Variants in POLE2 observed in about 807,000 individuals in gnomAD.
POLE2 encodes the protein DNA polymerase epsilon subunit 2.
A neutral mutation model predicts 79.4 loss-of-function variants in POLE2; 56 were observed. That is an observed-to-expected ratio of 0.71 (90% CI 0.57 to 0.88). POLE2 has a LOEUF of 0.88. POLE2 is among the 40% of genes least tolerant of loss of function. The pLI is 0.00. For missense variants in POLE2, 598 were observed against 638.9 expected (o/e 0.94, Z 0.69); for synonymous variants, 212 against 214.0 (o/e 0.99, Z 0.08).
intron 18 of POLE2, among the ~76,000 whole-genome samples, chr14:49,644,396 G>A (rs950809706): frequency 4.0e-5 from 6 of 151,182 alleles, no homozygotes; most frequent in Non-Finnish European, 8.8e-5. Flanking sequence ...TGTAATCCCA[G>A]CTACTCGGGA....
intron 1 of POLE2, among the ~76,000 whole-genome samples, chr14:49,687,300 C>CCACACACACACA (rs60811856): frequency 8.6e-4 from 120 of 139,830 alleles, no homozygotes; most frequent in Middle Eastern, 3.6e-3. Flanking sequence ...TACACACACA[C>CCACACACACACA]CACACACACA....
chr14:49,649,284 C>G (rs1208965324), intron 17 of POLE2, among the ~76,000 whole-genome samples: 1 of 144,782 alleles, frequency 6.9e-6, no homozygotes. Flanking sequence ...GTAGCTGGGA[C>G]TAGAGGCGCC....
intron 1 of POLE2, among the ~76,000 whole-genome samples, 179 bp from the exon 2 acceptor site, chr14:49,683,872 T>A (rs192441977): frequency 6.6e-6 from 1 of 152,342 alleles, no homozygotes; most frequent in East Asian, 1.9e-4. Flanking sequence ...TCCTATGCCT[T>A]GCTAACATAA....
At chr14:49,680,052 TATAAGAAC>T (rs1242015213) in intron 2 of POLE2, among the ~76,000 whole-genome samples, 1 of 152,228 alleles carries the variant, frequency 6.6e-6, no homozygotes, top group Admixed American at 6.5e-5. Context: ...CCTGTTTAGT[TATAAGAAC>T]ATTTCTGAGC....
chr14:49,688,045 G>A (rs1231632862), intron 1 of POLE2, 91 bp downstream of exon 1: 4 of 1,090,956 alleles, frequency 3.7e-6, no homozygotes, highest in Non-Finnish European at 5.4e-6. Context: ...CTCGGCGCGC[G>A]GGGAGCCGCC....
chr14:49,687,709 G>T (rs1594631004), intron 1 of POLE2, among the ~76,000 whole-genome samples: 1 of 151,920 alleles, frequency 6.6e-6, no homozygotes, highest in African/African-American at 2.4e-5. Context: ...TCGCTTCTTA[G>T]AACTTTTTTT....
chr14:49,650,702 T>C (rs963938829), intron 16 of POLE2, among the ~76,000 whole-genome samples: 1 of 152,194 alleles, frequency 6.6e-6, no homozygotes, highest in Non-Finnish European at 1.5e-5. Context: ...CTCAAACTCC[T>C]GGCCTCAAGC....
At chr14:49,678,163 C>G (rs1281339614) in intron 3 of POLE2, among the ~76,000 whole-genome samples, 1 of 151,926 alleles carries the variant, frequency 6.6e-6, no homozygotes, top group Non-Finnish European at 1.5e-5. Flanking sequence ...CCATGCCCAG[C>G]TAATTTTTGT....
chr14:49,656,288 G>A lies in POLE2; in HGVS notation c.756-445C>T, dbSNP rs187578093. Among the ~76,000 whole-genome samples, 63 of 151,756 alleles carry A rather than the reference G, an allele frequency of 4.2e-4. 1 individual carries two copies. Among genetic ancestry groups the A allele is most frequent in the Middle Eastern group, 3.4e-3 (1 of 294 alleles). The stretch of plus-strand genomic sequence containing the variant: ...GAGAATGGCGTGAACCCCGGGGGGC[G>A]GAGCCTGCAGTGAGCCGAGATTGCG... On this transcript the variant is annotated intron_variant, in intron 10 of 18. Transcript: ENST00000216367.
rs1886892377 is a variant in POLE2, at chr14:49,683,573, TATC to T, written c.169+17_169+19del. On this transcript the variant is annotated intron_variant, in intron 2 of 18. Coordinates refer to ENST00000216367, the MANE Select transcript of POLE2 (RefSeq NM_002692.4). Reference sequence around the variant, plus strand: ...AGAACTATATTAACAATTTAGGAGTTATCAGAAAATATTACTTACAGGGTTGCT... The same window carrying T: ...AGAACTATATTAACAATTTAGGAGTTAGAAAATATTACTTACAGGGTTGCT... 1 of 1,091,010 alleles carries T rather than the reference TATC, an allele frequency of 9.2e-7. No homozygotes were observed. Among genetic ancestry groups the T allele is most frequent in the Non-Finnish European group, 1.4e-6 (1 of 716,302 alleles). The allele number at this position is 1,091,010 out of a possible 1,614,324, so 67.6% of individuals were successfully genotyped here. A position where few individuals can be genotyped will look rare whatever the true frequency, so the allele number is the denominator to read the frequency against.
At chr14:49,646,114 G>C (rs528102764) in intron 18 of POLE2, among the ~76,000 whole-genome samples, 1 of 152,048 alleles carries the variant, frequency 6.6e-6, no homozygotes, top group Non-Finnish European at 1.5e-5. Flanking sequence ...GAGCCACAGC[G>C]TCTGGCCTCC....
chr14:49,664,364 A>AG (rs1885323198), intron 9 of POLE2, among the ~76,000 whole-genome samples: 1 of 151,962 alleles, frequency 6.6e-6, no homozygotes, highest in Non-Finnish European at 1.5e-5. Context: ...AAAAAAGAAA[A>AG]AAAAAAAAAA....
intron 9 of POLE2, 96 bp downstream of exon 9, chr14:49,664,530 G>T (rs567117806): frequency 6.2e-6 from 5 of 805,132 alleles, no homozygotes; most frequent in Non-Finnish European, 1.1e-5. Context: ...CTAATTAATG[G>T]TATCCCAAAT....
Position 49,663,356 on chromosome 14 carries a change from A to G in POLE2, c.714T>C (p.Asn238=), listed in dbSNP as rs1254406555. The change falls in exon 10 of 19, where the codon AAT becomes AAC. Residue 238 remains asparagine, a synonymous_variant. Transcript: ENST00000216367. Reference sequence around the variant, plus strand: ...GCTCAGTGGGTGGAAATCCAAAGGCATTGACATGAAACACTTGATCTTCAA... The same window carrying G: ...GCTCAGTGGGTGGAAATCCAAAGGCGTTGACATGAAACACTTGATCTTCAA... ...GWFEDQVFHV[N]AFGFPPTEPS... The G allele has an allele frequency of 6.2e-7, 1 of 1,611,180 alleles. No homozygotes were observed. Among genetic ancestry groups the G allele is most frequent in the Non-Finnish European group, 8.5e-7 (1 of 1,178,040 alleles).
At chr14:49,651,550 A>C (rs1255796382) in intron 15 of POLE2, 173 bp from the exon 16 acceptor site, 4 of 428,272 alleles carry the variant, frequency 9.3e-6, no homozygotes, top group Non-Finnish European at 1.7e-5. Context: ...TTGAGCTCTT[A>C]ATATATGCCT....
At chr14:49,682,637 A>AG (rs1295732721) in intron 2 of POLE2, among the ~76,000 whole-genome samples, 5 of 113,226 alleles carry the variant, frequency 4.4e-5, no homozygotes, top group African/African-American at 1.2e-4. Context: ...ACTCCTTCTC[A>AG]GGGAAAAAAA....
At chr14:49,650,575 C>G in intron 16 of POLE2, 134 bp from the exon 17 acceptor site, 3 of 493,808 alleles carry the variant, frequency 6.1e-6, no homozygotes, top group Non-Finnish European at 6.8e-6. Context: ...AGCTTTGACT[C>G]ACAGAGCTTT....
At chr14:49,665,861 T>C (rs1360177926) in intron 7 of POLE2, among the ~76,000 whole-genome samples, 1 of 152,160 alleles carries the variant, frequency 6.6e-6, no homozygotes, top group Non-Finnish European at 1.5e-5. Context: ...AGTTTCGCTC[T>C]TGTTGCCCAG....
chr14:49,655,804 A>C lies in POLE2; in HGVS notation c.795T>G (p.Ser265=). ...TTGCAGAAGTCTTCACAGATGTATTAGAAGGACCTCCAAAAAAATTAATAT... is the reference window on the plus strand; with the variant it reads ...TTGCAGAAGTCTTCACAGATGTATTCGAAGGACCTCCAAAAAAATTAATAT... The part of the protein sequence containing the change: ...YGNINFFGGP[S]NTSVKTSAKL... Residue 265 remains serine (S), a synonymous_variant, in exon 11 of 19, where the codon TCT becomes TCG. Coordinates refer to ENST00000216367, the MANE Select transcript of POLE2 (RefSeq NM_002692.4). 4.4e-6 allele frequency: 7 copies of C among 1,583,216 alleles called. No individual in the cohort carries two copies. Among genetic ancestry groups the C allele is most frequent in the Non-Finnish European group, 6.0e-6 (7 of 1,158,114 alleles).
Sources: gnomAD v4.1 joint callset for allele counts (sites outside exome capture counted in the v4.1 genomes callset) on GRCh38, gnomAD v4.1.1 for gene constraint, MANE v1.5 for transcripts, NCBI Gene and HGNC (gene_info 2026-07-23, HGNC 2026-07-21) for gene names.